SBF2: variants seen among roughly 807,000 people sequenced by gnomAD.
The protein encoded by SBF2 is myotubularin-related protein 13.
A neutral mutation model predicts 225.2 loss-of-function variants in SBF2; 112 were observed. The ratio of observed to expected loss-of-function variants is 0.50; its 90% CI spans 0.43 to 0.58. SBF2 has a LOEUF of 0.58. Among genes scored for constraint, SBF2 ranks in the 20% least tolerant of loss-of-function variants. The pLI, the probability that SBF2 is intolerant of heterozygous loss-of-function variation, is 0.00. For synonymous variants in SBF2, 763 were observed against 773.3 expected (o/e 0.99, Z 0.22); for missense variants, 1,996 against 2,206.2 (o/e 0.90, Z 1.91).
At chr11:10,202,395 G>A (rs936155744) in intron 1 of SBF2, among the ~76,000 whole-genome samples, 4 of 152,058 alleles carry the variant, frequency 2.6e-5, no homozygotes, top group African/African-American at 7.2e-5. Flanking sequence ...TCAAGTTTCC[G>A]GCAGTCTAGA....
chr11:9,791,582 T>TA (rs989758525), intron 33 of SBF2, among the ~76,000 whole-genome samples: 1 of 152,196 alleles, frequency 6.6e-6, no homozygotes, highest in African/African-American at 2.4e-5. Context: ...CCAAGGGCTT[T>TA]AAAAAAATCC....
chr11:9,922,768 CCT>C (rs940086654), intron 16 of SBF2, among the ~76,000 whole-genome samples: 26 of 152,086 alleles, frequency 1.7e-4, no homozygotes, highest in African/African-American at 5.6e-4. Flanking sequence ...TCTATTTCCC[CCT>C]CTTTCCACTT....
intron 1 of SBF2, among the ~76,000 whole-genome samples, chr11:10,224,163 GCA>G (rs1338623128): frequency 1.3e-5 from 2 of 151,940 alleles, no homozygotes; most frequent in Non-Finnish European, 2.9e-5. Context: ...TCTAGGCTAT[GCA>G]GTTTGTCTGC....
chr11:10,218,376 G>A (rs575790032), intron 1 of SBF2, among the ~76,000 whole-genome samples: 3 of 112,254 alleles, frequency 2.7e-5, no homozygotes, highest in East Asian at 3.1e-4. Context: ...CCCATGACAC[G>A]TGGGAATTAT....
chr11:9,787,303 C>T lies in SBF2; in HGVS notation c.5037+331G>A, dbSNP rs148900760. Among the ~76,000 whole-genome samples the T allele has an allele frequency of 1.9e-3, 282 of 152,304 alleles. 1 individual carries two copies. Among genetic ancestry groups the T allele is most frequent in the African/African-American group, 6.3e-3 (263 of 41,560 alleles). Reference sequence around the variant, plus strand: ...TTTAAAATACTTTCTGTGGAGCAAACGTGGTCTTGGCATTCCCCTCCTGCC... The same window carrying T: ...TTTAAAATACTTTCTGTGGAGCAAATGTGGTCTTGGCATTCCCCTCCTGCC... On this transcript the variant is annotated intron_variant, in intron 36 of 39. Transcript: ENST00000256190.
intron 16 of SBF2, among the ~76,000 whole-genome samples, chr11:9,948,832 C>A: frequency 6.6e-6 from 1 of 152,104 alleles, no homozygotes; most frequent in East Asian, 1.9e-4. Flanking sequence ...TCTCCTTTTC[C>A]ATATTTGTAC....
chr11:10,194,193 G>A (rs1378836803), intron 1 of SBF2, among the ~76,000 whole-genome samples: 1 of 151,954 alleles, frequency 6.6e-6, no homozygotes, highest in African/African-American at 2.4e-5. Flanking sequence ...GCATCTGCAG[G>A]AGACACCCAA....
At chr11:10,154,367 A>T (rs1324092698) in intron 2 of SBF2, among the ~76,000 whole-genome samples, 3 of 152,048 alleles carry the variant, frequency 2.0e-5, no homozygotes, top group Non-Finnish European at 4.4e-5. Context: ...ATCCCTATGA[A>T]ATAGTTTCGG....
intron 2 of SBF2, among the ~76,000 whole-genome samples, chr11:10,144,085 A>T (rs1241225481): frequency 6.6e-6 from 1 of 152,184 alleles, no homozygotes; most frequent in African/African-American, 2.4e-5. Context: ...CCTGATCTTG[A>T]TTTAACCTTC....
chr11:10,239,069 T>C (rs1174309117), intron 1 of SBF2, among the ~76,000 whole-genome samples: 1 of 150,854 alleles, frequency 6.6e-6, no homozygotes, highest in Non-Finnish European at 1.5e-5. Context: ...TATGTTTATG[T>C]GTATATACAT....
intron 17 of SBF2, among the ~76,000 whole-genome samples, chr11:9,889,590 AT>A (rs1312953175): frequency 6.6e-6 from 1 of 152,208 alleles, no homozygotes; most frequent in Non-Finnish European, 1.5e-5. Context: ...TGTATATTAT[AT>A]ACTGAATTAG....
rs1442445951 is a variant in SBF2 at position 10,081,189 on chromosome 11, T to A, written c.142-38208A>T. ...TATTAGGTCACAAAAAAAGTCTCAA[T>A]AAATTTTAAAAAAATCTCAAAATCA... On this transcript the variant is annotated intron_variant, in intron 2 of 39. Coordinates refer to ENST00000256190, the MANE Select transcript of SBF2 (RefSeq NM_030962.4). Among the ~76,000 whole-genome samples the A allele has an allele frequency of 2.0e-5, 3 of 152,120 alleles. No homozygotes were observed. The South Asian group carries it at 6.2e-4, about 32-fold the overall frequency.
At chr11:9,830,934 C>T (rs1452214521) in intron 27 of SBF2, among the ~76,000 whole-genome samples, 3 of 152,098 alleles carry the variant, frequency 2.0e-5, no homozygotes, top group South Asian at 2.1e-4. Flanking sequence ...ATACGCTTAT[C>T]GGTGCTCCCA....
At chr11:9,838,417 C>CAGG (rs1157151836) in intron 26 of SBF2, 2 of 152,136 alleles carry the variant, frequency 1.3e-5, no homozygotes, top group African/African-American at 4.8e-5. Flanking sequence ...TTCCAAACAG[C>CAGG]AGGACATCAC....
intron 1 of SBF2, among the ~76,000 whole-genome samples, chr11:10,229,115 T>C (rs1958709403): frequency 1.3e-5 from 2 of 152,208 alleles, no homozygotes; most frequent in South Asian, 4.1e-4. Context: ...GAGGTGTTTA[T>C]AGTATTCTCT....
intron 1 of SBF2, among the ~76,000 whole-genome samples, chr11:10,226,809 T>G (rs1437677145): frequency 6.6e-6 from 1 of 152,220 alleles, no homozygotes; most frequent in Non-Finnish European, 1.5e-5. Context: ...TGTGTCTTTA[T>G]AGCAGCATGA....
chr11:9,808,866 A>G (rs1197523202), intron 31 of SBF2, 35 bp downstream of exon 31: 3 of 1,426,236 alleles, frequency 2.1e-6, no homozygotes, highest in South Asian at 1.2e-5. Context: ...GGAAATATAA[A>G]TATAAAATAT....
At chr11:10,037,629 C>A in intron 3 of SBF2, among the ~76,000 whole-genome samples, 1 of 142,494 alleles carries the variant, frequency 7.0e-6, no homozygotes, top group Non-Finnish European at 1.6e-5. Flanking sequence ...TGTACAGCAA[C>A]TTTTGTTAAA....
At chr11:9,893,608 G>A (rs1861011149) in intron 17 of SBF2, among the ~76,000 whole-genome samples, 2 of 152,202 alleles carry the variant, frequency 1.3e-5, no homozygotes, top group Admixed American at 1.3e-4. Flanking sequence ...TGGTACCCCA[G>A]GTGGTAGCTT....
Sources: allele counts gnomAD v4.1 joint callset (sites outside exome capture counted in the v4.1 genomes callset), GRCh38; gene constraint gnomAD v4.1.1; transcripts MANE v1.5; gene names NCBI Gene and HGNC (gene_info 2026-07-23, HGNC 2026-07-21).